Variants in TMC1 observed in about 807,000 individuals in gnomAD.
TMC1 encodes the protein transmembrane channel-like protein 1.
Under a neutral mutation model 105.8 loss-of-function variants are expected in TMC1, and 84 were observed. The ratio of observed to expected loss-of-function variants is 0.79; its 90% CI spans 0.67 to 0.95. The LOEUF (loss-of-function observed/expected upper bound fraction) is 0.95, where lower values mean the gene tolerates loss of function less well. Ranked by LOEUF, TMC1 falls within the 40% of genes least tolerant of loss-of-function variation. The pLI, the probability that TMC1 is intolerant of heterozygous loss-of-function variation, is 0.00. For synonymous variants in TMC1, 315 were observed against 311.5 expected (o/e 1.01, Z -0.12); for missense variants, 817 against 914.1 (o/e 0.89, Z 1.37).
At chr9:72,776,228 A>C (rs566764547) in intron 13 of TMC1, among the ~76,000 whole-genome samples, 1 of 151,948 alleles carries the variant, frequency 6.6e-6, no homozygotes, top group East Asian at 1.9e-4. Context: ...GTCTACATAG[A>C]CTATAATATA....
At chr9:72,677,129 TACACAC>T (rs71495332) in intron 5 of TMC1, among the ~76,000 whole-genome samples, 138 of 145,050 alleles carry the variant, frequency 9.5e-4, no homozygotes, top group Middle Eastern at 3.6e-3. Context: ...GAACAGAAAT[TACACAC>T]ACACACACAC....
rs1197858519 is a variant in TMC1 at position 72,683,771 on chromosome 9, A to ATATATATATG, written c.17-4935_17-4934insATATATGTAT. Among the ~76,000 whole-genome samples the ATATATATATG allele has an allele frequency of 7.4e-5, 10 of 134,266 alleles. No homozygotes were observed. The East Asian group carries it at 2.2e-3, about 30-fold the overall frequency. 88.1% of individuals were successfully genotyped at this position (134,266 alleles called of 152,430 possible). ...TATATATATATATATATATATATAT[A>ATATATATATG]TATGTTAAAAATATTTATTTGTCAT... On this transcript the variant is annotated intron_variant, in intron 5 of 23. Coordinates refer to ENST00000297784, the MANE Select transcript of TMC1 (RefSeq NM_138691.3).
chr9:72,574,174 C>T (rs903496643), intron 1 of TMC1, among the ~76,000 whole-genome samples: 2 of 152,186 alleles, frequency 1.3e-5, no homozygotes, highest in Non-Finnish European at 2.9e-5. Flanking sequence ...GGCCATGCTC[C>T]ATGCTCCATA....
intron 2 of TMC1, among the ~76,000 whole-genome samples, chr9:72,582,403 T>A (rs1322974101): frequency 6.6e-6 from 1 of 152,338 alleles, no homozygotes; most frequent in South Asian, 2.1e-4. Flanking sequence ...CCCACCAGAA[T>A]GTTTAAACTG....
At chr9:72,602,335 C>T (rs894297029) in intron 2 of TMC1, among the ~76,000 whole-genome samples, 3 of 147,660 alleles carry the variant, frequency 2.0e-5, no homozygotes, top group South Asian at 2.2e-4. Context: ...ATTTGATATG[C>T]GAATGACTTG....
intron 1 of TMC1, among the ~76,000 whole-genome samples, chr9:72,543,896 C>G (rs1345798725): frequency 6.6e-6 from 1 of 151,876 alleles, no homozygotes; most frequent in East Asian, 1.9e-4. Flanking sequence ...GCCACCACAC[C>G]CAGTGACTTT....
Position 72,669,639 on chromosome 9 carries a change from G to A in TMC1, c.17-19070G>A, listed in dbSNP as rs1361680469. 1.6e-4 allele frequency among the ~76,000 whole-genome samples: 25 copies of A among 151,646 alleles called. 1 individual carries two copies. Among genetic ancestry groups the A allele is most frequent in the Non-Finnish European group, 2.9e-5 (2 of 67,972 alleles). ...TTGGTGATTTCACATACCTGGGGAT[G>A]AGCCGATGTGAAACAAAAGAGAAAG... is the stretch of plus-strand genomic sequence containing the variant. On this transcript the variant is annotated intron_variant, in intron 5 of 23. Transcript: ENST00000297784.
At chr9:72,687,928 A>G (rs1442433317) in intron 5 of TMC1, among the ~76,000 whole-genome samples, 1 of 152,200 alleles carries the variant, frequency 6.6e-6, no homozygotes, top group Non-Finnish European at 1.5e-5. Context: ...TGATGAATGA[A>G]CATTAAGTTG....
intron 13 of TMC1, among the ~76,000 whole-genome samples, chr9:72,787,461 T>C (rs2118174445): frequency 6.6e-6 from 1 of 152,252 alleles, no homozygotes; most frequent in Middle Eastern, 3.4e-3. Flanking sequence ...GGGGTTTATA[T>C]GACTATAATA....
intron 5 of TMC1, among the ~76,000 whole-genome samples, chr9:72,665,484 G>C (rs1826029410): frequency 6.6e-6 from 1 of 152,188 alleles, no homozygotes; most frequent in Non-Finnish European, 1.5e-5. Context: ...GATTTAGATA[G>C]GTTGCTACAG....
intron 5 of TMC1, among the ~76,000 whole-genome samples, chr9:72,678,682 CTA>C (rs1245673510): frequency 6.6e-6 from 1 of 151,856 alleles, no homozygotes; most frequent in Non-Finnish European, 1.5e-5. Flanking sequence ...TTATTATAGA[CTA>C]TATTTATTAT....
chr9:72,798,898 T>G (rs982762742), intron 17 of TMC1, among the ~76,000 whole-genome samples: 1 of 152,102 alleles, frequency 6.6e-6, no homozygotes, highest in African/African-American at 2.4e-5. Context: ...ATAATGTCAA[T>G]TTTTGTTAAA....
At chr9:72,562,022 A>AG (rs1329310737) in intron 1 of TMC1, among the ~76,000 whole-genome samples, 1 of 152,022 alleles carries the variant, frequency 6.6e-6, no homozygotes, top group Non-Finnish European at 1.5e-5. Context: ...AAAAAAAAAA[A>AG]ATTAAAATTT....
intron 12 of TMC1, among the ~76,000 whole-genome samples, chr9:72,768,254 A>G (rs1387476795): frequency 6.6e-6 from 1 of 151,900 alleles, no homozygotes; most frequent in African/African-American, 2.4e-5. Flanking sequence ...GTTCTCACTC[A>G]TAAGTGGGAG....
chr9:72,654,931 C>T (rs1025893353), intron 5 of TMC1, among the ~76,000 whole-genome samples: 26 of 151,962 alleles, frequency 1.7e-4, no homozygotes, highest in African/African-American at 6.3e-4. Flanking sequence ...CTGAAAAAGC[C>T]TTTAGCTAAT....
At chr9:72,821,644 C>T (rs1319367955) in intron 20 of TMC1, among the ~76,000 whole-genome samples, 3 of 152,180 alleles carry the variant, frequency 2.0e-5, no homozygotes, top group Non-Finnish European at 4.4e-5. Flanking sequence ...CCAGGCTCTG[C>T]CTGGGTAAAA....
chr9:72,569,410 C>T (rs1483279324), intron 1 of TMC1, among the ~76,000 whole-genome samples: 1 of 151,888 alleles, frequency 6.6e-6, no homozygotes. Flanking sequence ...ATTTGGTATA[C>T]TGAAAGAGAA....
chr9:72,555,110 C>T (rs997544495), intron 1 of TMC1, among the ~76,000 whole-genome samples: 13 of 151,780 alleles, frequency 8.6e-5, no homozygotes, highest in African/African-American at 3.1e-4. Flanking sequence ...AATTTCTGAC[C>T]TCAAGTGATC....
chr9:72,775,500 C>G (rs1827992292), intron 13 of TMC1, among the ~76,000 whole-genome samples: 1 of 152,162 alleles, frequency 6.6e-6, no homozygotes, highest in Admixed American at 6.6e-5. Flanking sequence ...AAACAATTCT[C>G]TAAGCTAAAA....
Sources: gnomAD v4.1 joint callset for allele counts (sites outside exome capture counted in the v4.1 genomes callset) on GRCh38, gnomAD v4.1.1 for gene constraint, MANE v1.5 for transcripts, NCBI Gene and HGNC (gene_info 2026-07-23, HGNC 2026-07-21) for gene names.